The following LMF1 variants were observed in gnomAD, a reference collection of about 807,000 sequenced individuals.
LMF1 encodes lipase maturation factor 1.
Under a neutral mutation model 60.6 loss-of-function variants are expected in LMF1, and 68 were observed. The observed-to-expected ratio is 1.12, with a 90% CI of 0.92 to 1.37. LMF1 has a LOEUF of 1.37. Ranked by LOEUF, LMF1 falls within the 40% of genes most tolerant of loss-of-function variation. The pLI, the probability that LMF1 is intolerant of heterozygous loss-of-function variation, is 0.00. For synonymous variants in LMF1, 418 were observed against 324.7 expected (o/e 1.29, Z -3.09); for missense variants, 948 against 767.2 (o/e 1.24, Z -2.78).
At chr16:979,868 CAG>C (rs1425155849) in intron 1 of LMF1, 4 of 419,182 alleles carry the variant, frequency 9.5e-6, no homozygotes, top group South Asian at 1.7e-5. Flanking sequence ...CCAGGCCTAA[CAG>C]ATGAGTTCCG....
At chr16:855,713 C>T (rs926058653) in intron 10 of LMF1, 2 of 455,908 alleles carry the variant, frequency 4.4e-6, no homozygotes, top group African/African-American at 4.0e-5. Flanking sequence ...ATGGTGCAGC[C>T]ATAACAGGAC....
chr16:934,422 C>A, intron 2 of LMF1, 168 bp from the exon 3 acceptor site: 1 of 743,222 alleles, frequency 1.3e-6, no homozygotes, highest in South Asian at 1.7e-5. Context: ...AGGAGCCCCT[C>A]CCCACGGCTC....
intron 3 of LMF1, 46 bp from the exon 4 acceptor site, chr16:911,125 A>T: frequency 1.3e-6 from 2 of 1,583,036 alleles, no homozygotes; most frequent in Non-Finnish European, 1.7e-6. Flanking sequence ...GAAGCCACAC[A>T]TTTCACAAAG....
chr16:858,683 G>GC (rs1280134211), intron 10 of LMF1, among the ~76,000 whole-genome samples: 3 of 78,856 alleles, frequency 3.8e-5, no homozygotes, highest in Non-Finnish European at 4.9e-5. Context: ...GGACGGGTGT[G>GC]AGTGGTGTCA....
upstream of LMF1, among the ~76,000 whole-genome samples, chr16:975,155 C>T (rs949310479): frequency 3.3e-5 from 5 of 152,156 alleles, no homozygotes; most frequent in Non-Finnish European, 7.3e-5. Context: ...TCCCTGCACC[C>T]TCGGCTACAG....
intron 4 of LMF1, among the ~76,000 whole-genome samples, chr16:906,009 GT>G (rs1265210848): frequency 6.6e-6 from 1 of 152,124 alleles, no homozygotes; most frequent in Non-Finnish European, 1.5e-5. Context: ...AGTGTTAATG[GT>G]TTTAGCTTTT....
rs777696863 is a variant in LMF1 at position 954,528 on chromosome 16, G to A, written c.332C>T (p.Pro111Leu). The A allele has an allele frequency of 5.6e-6, 9 of 1,613,036 alleles. No homozygotes were observed. The East Asian group carries it at 1.6e-4, about 28-fold the overall frequency. Residue 111 changes from proline to leucine, a missense_variant, in exon 2 of 11, where the codon CCC (proline) becomes CTC (leucine). Transcript: ENST00000262301. ...CCAGTCCATCAGCCAGAGGATGGTG[G>A]GCATGTAGCTGAAGACTTCCCAGCT... ...RTSWEVFSYM[P>L]TILWLMDWSD...
intron 4 of LMF1, among the ~76,000 whole-genome samples, chr16:898,703 C>T (rs1173274352): frequency 1.3e-5 from 2 of 152,232 alleles, no homozygotes; most frequent in Non-Finnish European, 2.9e-5. Context: ...AAGCACAGGT[C>T]TGCTGTAGAC....
At chr16:916,001 G>A (rs995341866) in intron 3 of LMF1, among the ~76,000 whole-genome samples, 40 of 152,312 alleles carry the variant, frequency 2.6e-4, no homozygotes, top group Non-Finnish European at 5.1e-4. Flanking sequence ...GCAGGGTGGG[G>A]GCAGCCCTCA....
At chr16:945,124 T>G (rs2072204678) in intron 2 of LMF1, among the ~76,000 whole-genome samples, 1 of 143,428 alleles carries the variant, frequency 7.0e-6, no homozygotes, top group South Asian at 2.3e-4. Context: ...GGTGGGAGAA[T>G]CGCTTCAACC....
At chr16:945,832 C>T (rs2072224723) in intron 2 of LMF1, among the ~76,000 whole-genome samples, 2 of 152,196 alleles carry the variant, frequency 1.3e-5, no homozygotes, top group African/African-American at 4.8e-5. Flanking sequence ...AGTCACGGTT[C>T]ATACACCACA....
chr16:861,354 CTTTT>C (rs33941455), intron 10 of LMF1, among the ~76,000 whole-genome samples: 7 of 92,662 alleles, frequency 7.6e-5, no homozygotes, highest in African/African-American at 1.7e-4. Context: ...AATTTTCTTT[CTTTT>C]TTTTTTTTTT....
chr16:881,153 G>A (rs73497231), intron 5 of LMF1, among the ~76,000 whole-genome samples: 4,637 of 152,280 alleles, frequency 0.03, 185 homozygotes, highest in African/African-American at 0.096. Flanking sequence ...CGCTTGCTCC[G>A]GGGTGGGGGT....
chr16:969,104 A>G (rs1280478005), intron 1 of LMF1: 2 of 152,228 alleles, frequency 1.3e-5, no homozygotes, highest in Non-Finnish European at 2.9e-5. Flanking sequence ...TGAGGTCAGA[A>G]GTTCGAGACC....
intron 5 of LMF1, 118 bp from the exon 6 acceptor site, chr16:879,855 G>A (rs1443009404): frequency 7.2e-6 from 7 of 969,500 alleles, no homozygotes; most frequent in Admixed American, 5.0e-5. Context: ...GGATCCCCCC[G>A]GCCCGCCTGG....
At chr16:910,284 C>T (rs2071074317) in intron 4 of LMF1, among the ~76,000 whole-genome samples, 1 of 152,216 alleles carries the variant, frequency 6.6e-6, no homozygotes, top group Non-Finnish European at 1.5e-5. Flanking sequence ...CAGCCCCTGG[C>T]TGGGCAGGAA....
At chr16:928,266 G>C (rs934498821) in intron 3 of LMF1, among the ~76,000 whole-genome samples, 1 of 152,204 alleles carries the variant, frequency 6.6e-6, no homozygotes, top group Admixed American at 6.5e-5. Context: ...CAGGCCACCT[G>C]TGTGTTGGCG....
At chr16:895,330 G>A (rs1009500034) in intron 4 of LMF1, among the ~76,000 whole-genome samples, 2 of 152,232 alleles carry the variant, frequency 1.3e-5, no homozygotes, top group Admixed American at 6.5e-5. Flanking sequence ...ATCACGGGCT[G>A]TAGCCACGTC....
At chr16:953,286 G>C (rs1219868605) in intron 2 of LMF1, among the ~76,000 whole-genome samples, 3 of 22,572 alleles carry the variant, frequency 1.3e-4, no homozygotes, top group African/African-American at 3.7e-4. Flanking sequence ...CGTCCACACA[G>C]ACACCCCAAA....
Sources: gnomAD v4.1 joint callset for allele counts (sites outside exome capture counted in the v4.1 genomes callset) on GRCh38, gnomAD v4.1.1 for gene constraint, MANE v1.5 for transcripts, NCBI Gene and HGNC (gene_info 2026-07-23, HGNC 2026-07-21) for gene names.